The following AGBL4 variants were observed in gnomAD, a reference collection of about 807,000 sequenced individuals.
AGBL4 encodes the protein AGBL carboxypeptidase 4, also known as cytosolic carboxypeptidase 6.
A neutral mutation model predicts 66.4 loss-of-function variants in AGBL4; 58 were observed. The observed-to-expected ratio is 0.87, with a 90% CI of 0.71 to 1.09. The LOEUF is 1.09. AGBL4 is among the 50% of genes least tolerant of loss of function. The pLI is 0.00. For missense variants in AGBL4, 579 were observed against 631.0 expected, an observed-to-expected ratio of 0.92 and a Z score of 0.88; for synonymous variants, 234 against 222.9, an observed-to-expected ratio of 1.05 and a Z score of -0.44.
intron 1 of AGBL4, among the ~76,000 whole-genome samples, chr1:49,939,389 T>C (rs1297240654): frequency 2.6e-5 from 4 of 152,068 alleles, no homozygotes; most frequent in African/African-American, 4.8e-5. Context: ...GAGCCCACAT[T>C]GCCAAGCCAA....
chr1:49,246,236 T>A (rs1557763439), intron 3 of AGBL4, among the ~76,000 whole-genome samples: 1 of 152,078 alleles, frequency 6.6e-6, no homozygotes, highest in East Asian at 1.9e-4. Context: ...TTTGGTACCA[T>A]ACTTGGTACA....
intron 3 of AGBL4, among the ~76,000 whole-genome samples, chr1:49,557,848 C>T (rs1442589537): frequency 5.3e-5 from 8 of 151,650 alleles, no homozygotes; most frequent in South Asian, 2.1e-4. Flanking sequence ...CCAAGGCTGC[C>T]GAGATTGCAG....
intron 3 of AGBL4, among the ~76,000 whole-genome samples, chr1:49,650,526 C>T (rs1050118866): frequency 1.3e-5 from 2 of 152,180 alleles, no homozygotes; most frequent in Non-Finnish European, 2.9e-5. Flanking sequence ...CAGGCCTAAA[C>T]TGACATAGCA....
chr1:49,255,882 C>G (rs545393760), intron 3 of AGBL4, among the ~76,000 whole-genome samples: 4 of 152,194 alleles, frequency 2.6e-5, no homozygotes, highest in South Asian at 4.1e-4. Context: ...GAGCTGGAGA[C>G]CATTTTCCTT....
At chr1:48,738,506 A>G (rs573316161) in intron 6 of AGBL4, among the ~76,000 whole-genome samples, 32 of 152,366 alleles carry the variant, frequency 2.1e-4, no homozygotes, top group African/African-American at 7.5e-4. Flanking sequence ...CAGACTGGGC[A>G]TGCTGGGGAC....
intron 6 of AGBL4, among the ~76,000 whole-genome samples, chr1:48,674,919 G>A (rs1646340030): frequency 6.6e-6 from 1 of 152,128 alleles, no homozygotes; most frequent in Admixed American, 6.5e-5. Context: ...TTGCCCAGCA[G>A]TATAATAGTA....
At chr1:49,979,410 G>A (rs1170436259) in intron 1 of AGBL4, among the ~76,000 whole-genome samples, 2 of 151,374 alleles carry the variant, frequency 1.3e-5, no homozygotes, top group African/African-American at 2.4e-5. Flanking sequence ...GCAGTGAGCC[G>A]AGATTGCGCC....
intron 3 of AGBL4, among the ~76,000 whole-genome samples, chr1:49,329,433 A>AG (rs1007000000): frequency 1.9e-4 from 29 of 152,324 alleles, no homozygotes; most frequent in African/African-American, 6.5e-4. Flanking sequence ...TGGGAGGCTG[A>AG]GGCGGGTGGA....
intron 1 of AGBL4, among the ~76,000 whole-genome samples, chr1:49,885,120 A>G (rs1032945432): frequency 1.3e-5 from 2 of 152,002 alleles, no homozygotes; most frequent in African/African-American, 4.8e-5. Flanking sequence ...TGACCTTTTT[A>G]TATGACACGT....
At chr1:48,660,175 G>A (rs994506016) in intron 7 of AGBL4, among the ~76,000 whole-genome samples, 2 of 152,190 alleles carry the variant, frequency 1.3e-5, no homozygotes, top group Admixed American at 6.5e-5. Flanking sequence ...GAGTAGCAGA[G>A]TAAGCATCCC....
intron 5 of AGBL4, among the ~76,000 whole-genome samples, chr1:48,937,624 T>G (rs558852676): frequency 6.6e-6 from 1 of 152,354 alleles, no homozygotes; most frequent in South Asian, 2.1e-4. Context: ...CCTCTTTTTT[T>G]CTTTTGTAAT....
intron 3 of AGBL4, among the ~76,000 whole-genome samples, chr1:49,482,639 G>A (rs919440425): frequency 2.0e-5 from 3 of 151,238 alleles, no homozygotes; most frequent in Non-Finnish European, 4.4e-5. Flanking sequence ...GTTCAGTTCC[G>A]ATTTTGGTTA....
chr1:49,949,865 A>T (rs372873980), intron 1 of AGBL4, among the ~76,000 whole-genome samples: 1 of 151,274 alleles, frequency 6.6e-6, no homozygotes, highest in Admixed American at 6.6e-5. Flanking sequence ...TCTACCCAGA[A>T]GAAAAGAAGT....
At chr1:49,853,402 C>T (rs1646354296) in intron 1 of AGBL4, among the ~76,000 whole-genome samples, 1 of 151,964 alleles carries the variant, frequency 6.6e-6, no homozygotes, top group Non-Finnish European at 1.5e-5. Context: ...AAAAATAAAT[C>T]AGTAAACTTT....
intron 3 of AGBL4, among the ~76,000 whole-genome samples, chr1:49,417,383 T>G (rs181429647): frequency 6.6e-6 from 1 of 152,270 alleles, no homozygotes; most frequent in East Asian, 1.9e-4. Context: ...GGAGTCCTTT[T>G]GCTGTGCCAG....
At chr1:48,659,429 C>T (rs1289245738) in intron 7 of AGBL4, among the ~76,000 whole-genome samples, 2 of 152,210 alleles carry the variant, frequency 1.3e-5, no homozygotes, top group African/African-American at 2.4e-5. Context: ...TGGCTCCCCA[C>T]AGTAGCATTT....
intron 3 of AGBL4, among the ~76,000 whole-genome samples, chr1:49,516,728 T>G (rs1338046157): frequency 2.0e-5 from 3 of 152,058 alleles, no homozygotes; most frequent in Non-Finnish European, 4.4e-5. Flanking sequence ...TGTCTAGGAC[T>G]TTCATATAAC....
intron 6 of AGBL4, among the ~76,000 whole-genome samples, chr1:48,789,066 T>C (rs1004360967): frequency 2.6e-5 from 4 of 152,118 alleles, no homozygotes; most frequent in African/African-American, 9.7e-5. Flanking sequence ...GTTATCCCTA[T>C]TTTATAGATG....
intron 9 of AGBL4, among the ~76,000 whole-genome samples, chr1:48,621,356 G>A (rs914351771): frequency 1.3e-5 from 2 of 152,050 alleles, no homozygotes; most frequent in African/African-American, 4.8e-5. Context: ...TTTATCCTAT[G>A]GACTGACCTA....
Sources: allele counts gnomAD v4.1 joint callset (sites outside exome capture counted in the v4.1 genomes callset), GRCh38; gene constraint gnomAD v4.1.1; transcripts MANE v1.5; gene names NCBI Gene and HGNC (gene_info 2026-07-23, HGNC 2026-07-21).